Variants in GRK5 observed in about 807,000 individuals in gnomAD.
GRK5 encodes the protein G protein-coupled receptor kinase 5, also known as g protein-coupled receptor kinase GRK5.
In GRK5, 40 loss-of-function variants were observed where a neutral mutation model predicts 78.4. That is an observed-to-expected ratio of 0.51 (90% confidence interval 0.40 to 0.66). GRK5 has a LOEUF of 0.66. Among genes scored for constraint, GRK5 ranks in the 30% least tolerant of loss-of-function variants. The pLI is 0.00. For synonymous variants in GRK5, 289 were observed against 296.8 expected, an observed-to-expected ratio of 0.97 and a Z score of 0.27; for missense variants, 598 against 759.9, an observed-to-expected ratio of 0.79 and a Z score of 2.50.
At chr10:119,270,913 T>G (rs1218532086) in intron 1 of GRK5, among the ~76,000 whole-genome samples, 1 of 152,262 alleles carries the variant, frequency 6.6e-6, no homozygotes, top group Non-Finnish European at 1.5e-5. Context: ...TTGAGTGAGT[T>G]GGCATGCTGG....
At chr10:119,372,116 A>T (rs1343903978) in intron 2 of GRK5, among the ~76,000 whole-genome samples, 2 of 152,230 alleles carry the variant, frequency 1.3e-5, no homozygotes, top group Admixed American at 6.5e-5. Context: ...GTCTACAGAC[A>T]TTGCCAAAAT....
chr10:119,275,373 C>A (rs955144837), intron 1 of GRK5, among the ~76,000 whole-genome samples: 8 of 152,176 alleles, frequency 5.3e-5, no homozygotes, highest in Non-Finnish European at 1.0e-4. Flanking sequence ...GCTTGGATAC[C>A]GGGCCTCCAG....
intron 2 of GRK5, among the ~76,000 whole-genome samples, chr10:119,369,247 A>G (rs1249651099): frequency 6.6e-6 from 1 of 152,086 alleles, no homozygotes; most frequent in East Asian, 1.9e-4. Flanking sequence ...TTACAAGGAG[A>G]AAAAAGGTTG....
intron 1 of GRK5, among the ~76,000 whole-genome samples, chr10:119,308,412 G>A (rs1288986288): frequency 6.6e-6 from 1 of 152,194 alleles, no homozygotes; most frequent in Non-Finnish European, 1.5e-5. Context: ...CTGCTGCTTC[G>A]GTACAGTCAT....
chr10:119,426,775 C>T (rs1852686371), intron 6 of GRK5, among the ~76,000 whole-genome samples: 1 of 151,024 alleles, frequency 6.6e-6, no homozygotes, highest in Non-Finnish European at 1.5e-5. Flanking sequence ...CATCAGTATA[C>T]CGCCATCAAC....
rs535254070 is a variant in GRK5 at position 119,312,553 on chromosome 10, C to A, written c.53-13963C>A. ...TGTCTCTGTGACCCAGAGACCCTATCTGGCCCTTTGCAGAAAAAATCCTCA... is the reference window on the plus strand; with the variant it reads ...TGTCTCTGTGACCCAGAGACCCTATATGGCCCTTTGCAGAAAAAATCCTCA... On this transcript the variant is annotated intron_variant, in intron 1 of 15. Coordinates refer to ENST00000392870, the MANE Select transcript of GRK5 (RefSeq NM_005308.3). 8.5e-5 allele frequency among the ~76,000 whole-genome samples: 13 copies of A among 152,348 alleles called. No homozygotes were observed. In the South Asian group the frequency reaches 2.7e-3, roughly 32 times the overall value.
rs140791711 is a variant in GRK5 at position 119,214,935 on chromosome 10, C to T, written c.52+6966C>T. Among the ~76,000 whole-genome samples the T allele has an allele frequency of 4.7e-4, 71 of 152,332 alleles. No individual in the cohort carries two copies. In the East Asian group the frequency reaches 7.9e-3, roughly 17 times the overall value. ...CAAGAGGAAAACTGGTGTGCCATGG[C>T]GCCTTCCAGGCAGAGCAGGTGTTCA... On this transcript the variant is annotated intron_variant, in intron 1 of 15. Coordinates refer to ENST00000392870, the MANE Select transcript of GRK5 (RefSeq NM_005308.3).
Position 119,431,646 on chromosome 10 carries a change from C to A in GRK5, c.738+119C>A. 1 of 1,211,304 alleles carries A rather than the reference C, an allele frequency of 8.3e-7. No individual in the cohort carries two copies. Among genetic ancestry groups the A allele is most frequent in the South Asian group, 1.5e-5 (1 of 64,822 alleles). The allele number at this position is 1,211,304 out of a possible 1,614,324, so 75.0% of individuals were successfully genotyped here. ...TCCCCACCCCTGGGAAGGGGAATGC[C>A]AGTGGCAGCGCTGAGCTACAGAAAG... On this transcript the variant is annotated intron_variant, in intron 8 of 15. Coordinates refer to ENST00000392870, the MANE Select transcript of GRK5 (RefSeq NM_005308.3). The surrounding 1 kb of genome is among the most constrained non-coding windows in gnomAD (Gnocchi z 4.8).
chr10:119,423,934 A>G (rs866275505), intron 5 of GRK5, among the ~76,000 whole-genome samples: 6 of 152,192 alleles, frequency 3.9e-5, no homozygotes, highest in South Asian at 2.1e-4. Flanking sequence ...TTGAGTACCT[A>G]CTGTGTACCT....
rs112640010 is a variant in GRK5, at chr10:119,425,268, T to TACACACACACACACACACACAC, written c.533+191_533+212dup. On this transcript the variant is annotated intron_variant, in intron 6 of 15. Transcript: ENST00000392870. ...GTATGCTTATTCAAGCACACACACA[T>TACACACACACACACACACACAC]ACACACACACACACACACACACACA... Among the ~76,000 whole-genome samples, 95 of 126,720 alleles carry TACACACACACACACACACACAC rather than the reference T, an allele frequency of 7.5e-4. 1 individual carries two copies. Among genetic ancestry groups the TACACACACACACACACACACAC allele is most frequent in the African/African-American group, 2.3e-3 (90 of 38,390 alleles). 83.1% of individuals were successfully genotyped at this position (126,720 alleles called of 152,430 possible).
In GRK5 at chr10:119,257,210, T is replaced by C. The variant is rs556362015; in HGVS notation, c.52+49241T>C. 1.9e-3 allele frequency among the ~76,000 whole-genome samples: 285 copies of C among 152,354 alleles called. 2 individuals are homozygous for C. Among genetic ancestry groups the C allele is most frequent in the African/African-American group, 6.5e-3 (272 of 41,580 alleles). On this transcript the variant is annotated intron_variant, in intron 1 of 15. Coordinates refer to ENST00000392870, the MANE Select transcript of GRK5 (RefSeq NM_005308.3). ...GTTCTTTGGGGAGTGTTCTTATTTT[T>C]AATTTCTCTAATGGAAACTTTGGTC...
chr10:119,295,067 G>A (rs1385154835), intron 1 of GRK5, among the ~76,000 whole-genome samples: 3 of 151,898 alleles, frequency 2.0e-5, no homozygotes, highest in Admixed American at 6.6e-5. Context: ...GCATGCACCT[G>A]TAGTCCCAGC....
At chr10:119,239,451 G>T (rs1309068409) in intron 1 of GRK5, among the ~76,000 whole-genome samples, 1 of 152,092 alleles carries the variant, frequency 6.6e-6, no homozygotes, top group Non-Finnish European at 1.5e-5. Context: ...TGCCAGGCTG[G>T]TCTCAAACTC....
intron 2 of GRK5, among the ~76,000 whole-genome samples, chr10:119,339,713 C>A (rs1333238284): frequency 6.6e-6 from 1 of 151,968 alleles, no homozygotes; most frequent in Non-Finnish European, 1.5e-5. Flanking sequence ...GGCAACATGG[C>A]GAAACCTAGT....
chr10:119,241,161 C>T (rs1003461899), intron 1 of GRK5, among the ~76,000 whole-genome samples: 8 of 152,198 alleles, frequency 5.3e-5, no homozygotes, highest in South Asian at 2.1e-4. Flanking sequence ...CCTCCTCCTC[C>T]GGCCTCAGCT....
At chr10:119,313,887 T>C (rs910845472) in intron 1 of GRK5, among the ~76,000 whole-genome samples, 2 of 152,188 alleles carry the variant, frequency 1.3e-5, no homozygotes, top group African/African-American at 2.4e-5. Flanking sequence ...GAGGTTTTTC[T>C]GCTTTGGAAA....
chr10:119,403,917 G>A (rs1034275830), intron 4 of GRK5, among the ~76,000 whole-genome samples: 9 of 152,160 alleles, frequency 5.9e-5, no homozygotes, highest in African/African-American at 2.2e-4. Flanking sequence ...TTACAGGCAC[G>A]AGCCACCGTG....
chr10:119,235,414 A>G (rs996681146), intron 1 of GRK5, among the ~76,000 whole-genome samples: 4 of 152,212 alleles, frequency 2.6e-5, no homozygotes, highest in African/African-American at 9.6e-5. Flanking sequence ...TAGAAACAAA[A>G]TCACACCATC....
At chr10:119,415,740 G>A (rs1852436819) in intron 4 of GRK5, among the ~76,000 whole-genome samples, 1 of 152,142 alleles carries the variant, frequency 6.6e-6, no homozygotes, top group African/African-American at 2.4e-5. Flanking sequence ...CTTCCTAGAG[G>A]GCTGGCTCAG....
Sources: gnomAD v4.1 joint callset for allele counts (sites outside exome capture counted in the v4.1 genomes callset) on GRCh38, gnomAD v4.1.1 for gene constraint, Gnocchi (gnomAD v3.1) non-coding constraint, MANE v1.5 for transcripts, NCBI Gene and HGNC (gene_info 2026-07-23, HGNC 2026-07-21) for gene names.